The following AMY2A variants were observed in gnomAD, a reference collection of about 807,000 sequenced individuals.
The protein encoded by AMY2A is pancreatic alpha-amylase.
In AMY2A, 16 loss-of-function variants were observed where a neutral mutation model predicts 43.0. The ratio of observed to expected loss-of-function variants is 0.37; its 90% CI spans 0.25 to 0.56. The LOEUF is 0.56. Among genes scored for constraint, AMY2A ranks in the 20% least tolerant of loss-of-function variants. The probability of loss-of-function intolerance (pLI) is 0.77; values close to 1 mark genes in which losing one functional copy is unlikely to be tolerated. For synonymous variants in AMY2A, 70 were observed against 144.6 expected (o/e 0.48, Z 3.70); for missense variants, 212 against 456.8 (o/e 0.46, Z 4.89).
Position 103,623,956 on chromosome 1 carries a change from G to T in AMY2A, c.1192G>T (p.Val398Phe). 6.2e-7 allele frequency: 1 copy of T among 1,611,900 alleles called. No individual in the cohort carries two copies. The highest frequency in any genetic ancestry group is 8.5e-7 in the Non-Finnish European group (1 of 1,179,758). The stretch of plus-strand genomic sequence containing the variant: ...AGACACTACTTGTGGCAATGACTGG[G>T]TCTGTGAACATCGATGGCGCCAAAT... ...NPDTTCGNDW[V>F]CEHRWRQIRN... The change falls in exon 8 of 10, where the codon GTC (valine) becomes TTC (phenylalanine). Residue 398 changes from valine (V) to phenylalanine (F), a missense_variant. Physicochemically the swap from Val to Phe is conservative, Grantham distance 50. Coordinates refer to ENST00000414303, the MANE Select transcript of AMY2A (RefSeq NM_000699.4).
upstream of AMY2A, chr1:103,617,277 T>C: frequency 2.2e-6 from 3 of 1,380,280 alleles, no homozygotes; most frequent in Non-Finnish European, 3.0e-6. Context: ...AGAGACTTTT[T>C]GATGTTCTTT....
intron 2 of AMY2A, 27 bp from the exon 3 acceptor site, chr1:103,618,884 C>T: frequency 1.3e-6 from 1 of 781,110 alleles, no homozygotes. Flanking sequence ...CTGTAAGTCA[C>T]ACTGAAGTAG....
rs565929673 is a variant in AMY2A at position 103,617,978 on chromosome 1, G to A, written c.193G>A (p.Ala65Thr). ...VQVSPPNENV[A>T]IYNPFRPWWE... Reference sequence around the variant, plus strand: ...GGTCTCTCCACCAAATGAAAATGTTGCAATTTACAACCCTTTCAGACCTTG... The same window carrying A: ...GGTCTCTCCACCAAATGAAAATGTTACAATTTACAACCCTTTCAGACCTTG... Residue 65 changes from alanine (A) to threonine (T), a missense_variant, in exon 2 of 10, where the codon GCA becomes ACA. By Grantham distance (58) the Ala-to-Thr change is moderately conservative. Coordinates refer to ENST00000414303, the MANE Select transcript of AMY2A (RefSeq NM_000699.4). 151 of 1,600,514 alleles carry A rather than the reference G, an allele frequency of 9.4e-5. 9 individuals carry two copies. The highest frequency in any genetic ancestry group is 7.6e-4 in the South Asian group (69 of 90,854).
In AMY2A at chr1:103,618,100, G is replaced by A. The variant is rs779378518; in HGVS notation, c.315G>A (p.Gly105=). The part of the protein sequence containing the change: ...RNMVTRCNNV[G]VRIYVDAVIN... The stretch of plus-strand genomic sequence containing the variant: ...TGGTGACTAGATGTAACAATGTTGG[G>A]GTAAGTGAATTCTAGTTTCCTTTAA... Residue 105 remains glycine, a splice_region_variant and synonymous_variant, in exon 2 of 10, where the codon GGG becomes GGA. Coordinates refer to ENST00000414303, the MANE Select transcript of AMY2A (RefSeq NM_000699.4). 3.1e-6 allele frequency: 5 copies of A among 1,595,468 alleles called. No individual in the cohort carries two copies. The highest frequency in any genetic ancestry group is 4.3e-6 in the Non-Finnish European group (5 of 1,167,090).
intron 2 of AMY2A, among the ~76,000 whole-genome samples, 158 bp from the exon 3 acceptor site, chr1:103,618,753 T>C (rs570173609): frequency 6.6e-6 from 1 of 150,906 alleles, no homozygotes; most frequent in Non-Finnish European, 1.5e-5. Flanking sequence ...TTCACATTAC[T>C]TTCCTTTCAC....
chr1:103,618,592 C>G (rs1244979552), intron 2 of AMY2A, among the ~76,000 whole-genome samples: 1 of 150,614 alleles, frequency 6.6e-6, no homozygotes, highest in African/African-American at 2.4e-5. Context: ...ACTGAAATTT[C>G]CAAAACAATA....
At chr1:103,623,360 C>A (rs1653239846) in intron 7 of AMY2A, among the ~76,000 whole-genome samples, 1 of 130,106 alleles carries the variant, frequency 7.7e-6, no homozygotes, top group South Asian at 2.4e-4. Flanking sequence ...CACCTGTAAT[C>A]CCAGCACCTA....
intron 1 of AMY2A, 88 bp downstream of exon 1, chr1:103,617,696 T>C (rs1418306722): frequency 1.3e-6 from 2 of 1,593,768 alleles, no homozygotes; most frequent in African/African-American, 2.7e-5. Flanking sequence ...TTGGGCAACA[T>C]TTTACTTCAC....
At chr1:103,616,824 C>G (rs906230745), upstream of AMY2A, 4 of 241,430 alleles carry the variant, frequency 1.7e-5, no homozygotes, top group African/African-American at 9.1e-5. Context: ...CTCGGTGAGT[C>G]TGTGCGGCCA....
At chr1:103,617,308 A>G, upstream of AMY2A, 1 of 1,501,262 alleles carries the variant, frequency 6.7e-7, no homozygotes, top group Admixed American at 1.9e-5. Flanking sequence ...ATTATTATTG[A>G]TAATCCTTTT....
At chr1:103,617,288 A>G (rs1357149559), upstream of AMY2A, 2 of 1,426,840 alleles carry the variant, frequency 1.4e-6, no homozygotes, top group Non-Finnish European at 1.9e-6. Context: ...GATGTTCTTT[A>G]CCTGTTAGGA....
chr1:103,619,320 T>G (rs1399536683), intron 3 of AMY2A, among the ~76,000 whole-genome samples: 1 of 150,472 alleles, frequency 6.6e-6, no homozygotes, highest in African/African-American at 2.4e-5. Flanking sequence ...TGCCCACTTC[T>G]AAGAAGTTCC....
intron 2 of AMY2A, 75 bp from the exon 3 acceptor site, chr1:103,618,836 A>G: frequency 1.6e-6 from 1 of 612,340 alleles, no homozygotes; most frequent in Non-Finnish European, 2.9e-6. Flanking sequence ...TTAACATACT[A>G]TAAACTTGCA....
chr1:103,616,914 T>C (rs2101097133), upstream of AMY2A: 6 of 900,386 alleles, frequency 6.7e-6, no homozygotes, highest in Non-Finnish European at 6.8e-6. Flanking sequence ...TAAGGGCTTC[T>C]GGACCACTTG....
rs746422895 is a variant in AMY2A, at chr1:103,617,959, T to C, written c.174T>C (p.Ser58=). The change falls in exon 2 of 10, where the codon TCT becomes TCC. Residue 58 remains serine (S), a synonymous_variant. Coordinates refer to ENST00000414303, the MANE Select transcript of AMY2A (RefSeq NM_000699.4). ...GAAGACTGTTTAATTTGTAGGTCTC[T>C]CCACCAAATGAAAATGTTGCAATTT... The part of the protein sequence containing the change: ...APKGFGGVQV[S]PPNENVAIYN... The C allele has an allele frequency of 6.2e-7, 1 of 1,600,548 alleles. No homozygotes were observed. The highest frequency in any genetic ancestry group is 1.7e-5 in the Admixed American group (1 of 59,684).
intron 3 of AMY2A, 70 bp downstream of exon 3, chr1:103,619,178 T>C: frequency 3.4e-6 from 2 of 587,902 alleles, no homozygotes; most frequent in East Asian, 3.3e-5. Flanking sequence ...ATGTAGCTAA[T>C]TGAATTTCAT....
chr1:103,617,020 G>T, upstream of AMY2A: 1 of 1,044,586 alleles, frequency 9.6e-7, no homozygotes, highest in Non-Finnish European at 1.2e-6. Flanking sequence ...ACCGTGGGCT[G>T]TTACTTACCT....
Position 103,617,446 on chromosome 1 carries a change from G to A in AMY2A, c.6G>A (p.Lys2=), listed in dbSNP as rs1170132467. ...ACTGACAACTTCAAAGCAAAATGAA[G>A]TTCTTTCTGTTGCTTTTCACCATTG... is the stretch of plus-strand genomic sequence containing the variant. M[K]FFLLLFTIGF... The change falls in exon 1 of 10, where the codon AAG becomes AAA. Residue 2 remains lysine, a synonymous_variant. Coordinates refer to ENST00000414303, the MANE Select transcript of AMY2A (RefSeq NM_000699.4). 1 of 1,599,732 alleles carries A rather than the reference G, an allele frequency of 6.3e-7. No individual in the cohort carries two copies. Among genetic ancestry groups the A allele is most frequent in the Non-Finnish European group, 8.5e-7 (1 of 1,169,868 alleles).
In AMY2A at chr1:103,619,114, T is replaced by C. The variant is rs764683569; in HGVS notation, c.513+6T>C. The C allele has an allele frequency of 7.2e-6, 7 of 977,284 alleles. No individual in the cohort carries two copies. Among genetic ancestry groups the C allele is most frequent in the Non-Finnish European group, 1.0e-5 (7 of 682,978 alleles). 60.5% of individuals were successfully genotyped at this position (977,284 alleles called of 1,614,324 possible). On this transcript the variant is annotated splice_donor_region_variant and intron_variant, in intron 3 of 9. Coordinates refer to ENST00000414303, the MANE Select transcript of AMY2A (RefSeq NM_000699.4). ...ACTACAATGATGCTACTCAGGTAAT[T>C]TTTTTACGAGAGTGATCTGAATAAA...
Sources: allele counts gnomAD v4.1 joint callset (sites outside exome capture counted in the v4.1 genomes callset), GRCh38; gene constraint gnomAD v4.1.1; transcripts MANE v1.5; gene names NCBI Gene and HGNC (gene_info 2026-07-23, HGNC 2026-07-21).